OSBP2: variants seen among roughly 807,000 people sequenced by gnomAD.
OSBP2 encodes oxysterol binding protein 2.
OSBP2 carries 66 observed loss-of-function variants against 96.0 expected under a neutral mutation model. The ratio of observed to expected loss-of-function variants is 0.69; its 90% CI spans 0.56 to 0.84. The LOEUF (loss-of-function observed/expected upper bound fraction) is 0.84, where lower values mean the gene tolerates loss of function less well. Among genes scored for constraint, OSBP2 ranks in the 40% least tolerant of loss-of-function variants. The pLI, the probability that OSBP2 is intolerant of heterozygous loss-of-function variation, is 0.00. For synonymous variants in OSBP2, 525 were observed against 520.9 expected (o/e 1.01, Z -0.11); for missense variants, 1,038 against 1,222.7 (o/e 0.85, Z 2.25).
At chr22:30,885,567 T>C (rs2039791905) in intron 3 of OSBP2, among the ~76,000 whole-genome samples, 1 of 152,308 alleles carries the variant, frequency 6.6e-6, no homozygotes, top group Admixed American at 6.5e-5. Context: ...TGTAGCTTGG[T>C]AGAAAGTGCC....
At chr22:30,808,682 T>C (rs570428979) in intron 2 of OSBP2, among the ~76,000 whole-genome samples, 11 of 152,114 alleles carry the variant, frequency 7.2e-5, no homozygotes, top group Non-Finnish European at 1.3e-4. Context: ...ATGCCGGGCG[T>C]GGTGGCTGAC....
At chr22:30,845,878 CAAAA>C (rs544099138) in intron 2 of OSBP2, among the ~76,000 whole-genome samples, 1 of 70,584 alleles carries the variant, frequency 1.4e-5, no homozygotes. Flanking sequence ...GAGACTCTCT[CAAAA>C]AAAAAAAAAA....
chr22:30,789,404 T>A (rs1360969316), intron 2 of OSBP2, among the ~76,000 whole-genome samples: 1 of 152,146 alleles, frequency 6.6e-6, no homozygotes, highest in Non-Finnish European at 1.5e-5. Context: ...GGCCATGAAA[T>A]CTGCTGTCTT....
At position 30,889,514 on chromosome 22, in the gene OSBP2, C is replaced by T; in HGVS notation, c.1501C>T (p.Pro501Ser). The T allele has an allele frequency of 6.2e-7, 1 of 1,614,066 alleles. No individual in the cohort carries two copies. The highest frequency in any genetic ancestry group is 8.5e-7 in the Non-Finnish European group (1 of 1,180,002). The change falls in exon 7 of 14, where the codon CCC (proline) becomes TCC (serine). Residue 501 changes from proline (P) to serine (S), a missense_variant. Physicochemically the swap from Pro to Ser is moderately conservative, Grantham distance 74. Coordinates refer to ENST00000332585, the MANE Select transcript of OSBP2 (RefSeq NM_030758.4). ...GGTACTAGATGGTGCCTCGCTCGTGCCCAAGGGTTCATCCAAAGTCAAGAG... is the reference window on the plus strand; with the variant it reads ...GGTACTAGATGGTGCCTCGCTCGTGTCCAAGGGTTCATCCAAAGTCAAGAG... Reference protein sequence around the residue: ...DNVLDGASLVPKGSSKVKRRV... With the variant: ...DNVLDGASLVSKGSSKVKRRV...
rs774143384 is a variant in OSBP2 at position 30,890,855 on chromosome 22, CTG to C, written c.1755_1756del (p.Ser586LeufsTer36). On this transcript the variant is annotated frameshift_variant, in exon 8 of 14. Coordinates refer to ENST00000332585, the MANE Select transcript of OSBP2 (RefSeq NM_030758.4). LOFTEE classifies it high-confidence loss of function. This position sits in a 1 kb window ranked among gnomAD's most constrained non-coding sequence, Gnocchi z 4.4. ...CAGATGTGCCTGGTGGCCGCCTTCT[CTG>C]TGTCCTCCTACTCCACCACAGTGCA... The C allele has an allele frequency of 1.2e-6, 2 of 1,613,876 alleles. No individual in the cohort carries two copies. Among genetic ancestry groups the C allele is most frequent in the Non-Finnish European group, 1.7e-6 (2 of 1,180,044 alleles).
chr22:30,827,481 C>T (rs1337377656), intron 2 of OSBP2, among the ~76,000 whole-genome samples: 1 of 152,154 alleles, frequency 6.6e-6, no homozygotes, highest in African/African-American at 2.4e-5. Flanking sequence ...TATGGAAGCC[C>T]CTGCCCATCC....
chr22:30,727,914 G>A (rs1182828590), intron 1 of OSBP2, among the ~76,000 whole-genome samples: 1 of 151,646 alleles, frequency 6.6e-6, no homozygotes, highest in African/African-American at 2.4e-5. Flanking sequence ...AGACCATCCT[G>A]GCCAACATGG....
intron 2 of OSBP2, among the ~76,000 whole-genome samples, chr22:30,777,724 T>C (rs76912840): frequency 0.013 from 1,993 of 152,200 alleles, 22 homozygotes; most frequent in Middle Eastern, 0.048. Flanking sequence ...GCAGCCCTCC[T>C]GCTAAGGGAG....
chr22:30,852,193 T>C (rs1441642528), intron 2 of OSBP2, among the ~76,000 whole-genome samples: 2 of 152,220 alleles, frequency 1.3e-5, no homozygotes, highest in Non-Finnish European at 2.9e-5. Context: ...TTGTGAATTG[T>C]TTCTACCCCC....
chr22:30,802,196 G>A (rs886385901), intron 2 of OSBP2, among the ~76,000 whole-genome samples: 10 of 152,184 alleles, frequency 6.6e-5, no homozygotes, highest in Admixed American at 2.0e-4. Context: ...CAGAAGCCAA[G>A]TCAGAATCAA....
intron 12 of OSBP2, among the ~76,000 whole-genome samples, chr22:30,902,029 A>G (rs1454192258): frequency 6.6e-6 from 1 of 150,950 alleles, no homozygotes; most frequent in Non-Finnish European, 1.5e-5. Flanking sequence ...ACTGTGGTAC[A>G]TTCGCATGAA....
chr22:30,730,776 A>C (rs5753296), intron 1 of OSBP2, among the ~76,000 whole-genome samples: 2,200 of 13,672 alleles, frequency 0.16, 207 homozygotes, highest in South Asian at 0.19. Flanking sequence ...CTCTCTCTCT[A>C]TATATATATA....
At position 30,893,896 on chromosome 22, in the gene OSBP2, C is replaced by G; in HGVS notation, c.2270C>G (p.Ser757Cys). 1 of 1,587,042 alleles carries G rather than the reference C, an allele frequency of 6.3e-7. No homozygotes were observed. Residue 757 changes from serine to cysteine, a missense_variant, in exon 12 of 14, where the codon TCC becomes TGC. Ser to Cys is a moderately radical substitution (Grantham distance 112, BLOSUM62 -1). This residue lies in a region of OSBP2 where 737 missense variants were observed against 913.3 expected (regional missense o/e 0.81). Coordinates refer to ENST00000332585, the MANE Select transcript of OSBP2 (RefSeq NM_030758.4). ...TCGTGGGATGAACAAATGGAGTGCT[C>G]CAAGGTCATGCATAGCAGTCCCAGC... Reference protein sequence around the residue: ...SGSWDEQMECSKVMHSSPSSP... With the variant: ...SGSWDEQMECCKVMHSSPSSP...
At chr22:30,876,834 G>T (rs1056598207) in intron 3 of OSBP2, among the ~76,000 whole-genome samples, 1 of 152,148 alleles carries the variant, frequency 6.6e-6, no homozygotes, top group Non-Finnish European at 1.5e-5. Flanking sequence ...AGCTGAAAAG[G>T]ATACAAGCCC....
chr22:30,764,919 C>T (rs1312848070), intron 2 of OSBP2, among the ~76,000 whole-genome samples: 1 of 152,106 alleles, frequency 6.6e-6, no homozygotes, highest in Non-Finnish European at 1.5e-5. Flanking sequence ...AATAACTTCT[C>T]TCTTACTTTG....
intron 2 of OSBP2, among the ~76,000 whole-genome samples, chr22:30,817,790 T>A (rs1358906423): frequency 6.6e-6 from 1 of 152,144 alleles, no homozygotes; most frequent in East Asian, 1.9e-4. Context: ...TCACAGTCTG[T>A]TGTTGGAGAT....
chr22:30,727,379 A>G (rs1257735426), intron 1 of OSBP2, among the ~76,000 whole-genome samples: 4 of 152,168 alleles, frequency 2.6e-5, no homozygotes, highest in African/African-American at 7.2e-5. Flanking sequence ...TTTTTAGTCA[A>G]AAACCACAGA....
At chr22:30,795,375 C>T (rs2090742891) in intron 2 of OSBP2, among the ~76,000 whole-genome samples, 1 of 152,150 alleles carries the variant, frequency 6.6e-6, no homozygotes, top group Non-Finnish European at 1.5e-5. Flanking sequence ...TCCAAAACTG[C>T]TTCTGAACCT....
rs1555926897 is a variant in OSBP2 at position 30,888,308 on chromosome 22, C to T, written c.1386C>T (p.Phe462=). The change falls in exon 5 of 14, where the codon TTC becomes TTT. Residue 462 remains phenylalanine (F), a synonymous_variant. Coordinates refer to ENST00000332585, the MANE Select transcript of OSBP2 (RefSeq NM_030758.4). The part of the protein sequence containing the change: ...YFDAMEDSTS[F]ITVITEAKED... ...ATGCCATGGAAGACTCCACATCCTT[C>T]ATCACCGTGATCACCGAGGCCAAGG... 1 of 1,613,194 alleles carries T rather than the reference C, an allele frequency of 6.2e-7. No individual in the cohort carries two copies. The highest frequency in any genetic ancestry group is 8.5e-7 in the Non-Finnish European group (1 of 1,179,224).
Sources: allele counts gnomAD v4.1 joint callset (sites outside exome capture counted in the v4.1 genomes callset), GRCh38; gene constraint gnomAD v4.1.1; regional missense constraint gnomAD v4.1.1; non-coding constraint Gnocchi (gnomAD v3.1); transcripts MANE v1.5; gene names NCBI Gene and HGNC (gene_info 2026-07-23, HGNC 2026-07-21).